The following CNTLN variants were observed in gnomAD, a reference collection of about 807,000 sequenced individuals.
CNTLN encodes centlein.
A neutral mutation model predicts 180.0 loss-of-function variants in CNTLN; 212 were observed. The observed-to-expected ratio is 1.18, with a 90% confidence interval of 1.05 to 1.32. The LOEUF (loss-of-function observed/expected upper bound fraction) is 1.32, where lower values mean the gene tolerates loss of function less well. CNTLN is among the 40% of genes most tolerant of loss of function. CNTLN has a pLI of 0.00. For missense variants in CNTLN, 2,095 were observed against 1,610.9 expected, an observed-to-expected ratio of 1.30 and a Z score of -5.14; for synonymous variants, 722 against 563.1, an observed-to-expected ratio of 1.28 and a Z score of -3.99.
At chr9:17,356,553 T>G (rs891915398) in intron 12 of CNTLN, among the ~76,000 whole-genome samples, 14 of 152,150 alleles carry the variant, frequency 9.2e-5, no homozygotes, top group Non-Finnish European at 1.6e-4. Context: ...AGGTAAACCG[T>G]TATAGCTAAG....
chr9:17,161,141 A>G (rs1344265893), intron 2 of CNTLN, among the ~76,000 whole-genome samples: 3 of 152,116 alleles, frequency 2.0e-5, no homozygotes, highest in Non-Finnish European at 4.4e-5. Flanking sequence ...TATGTTGTTG[A>G]AAGTCAAATT....
intron 2 of CNTLN, among the ~76,000 whole-genome samples, chr9:17,146,809 A>T (rs1376353958): frequency 3.3e-5 from 5 of 151,900 alleles, no homozygotes; most frequent in Admixed American, 6.6e-5. Context: ...TTATTTTTTA[A>T]TTTTTTCCTT....
intron 23 of CNTLN, among the ~76,000 whole-genome samples, chr9:17,467,953 C>T (rs971702192): frequency 4.0e-5 from 6 of 151,572 alleles, no homozygotes; most frequent in South Asian, 2.1e-4. Flanking sequence ...ATGTTCATTG[C>T]GGCACTGTTA....
chr9:17,330,595 C>T (rs568293470), intron 8 of CNTLN, 37 bp from the exon 9 acceptor site: 1 of 1,118,468 alleles, frequency 8.9e-7, no homozygotes, highest in South Asian at 1.7e-5. Context: ...AAGATACAAA[C>T]ATAGATATCT....
At chr9:17,473,780 G>A (rs948001316) in intron 23 of CNTLN, among the ~76,000 whole-genome samples, 22 of 151,828 alleles carry the variant, frequency 1.4e-4, no homozygotes, top group African/African-American at 4.1e-4. Context: ...TTATTACCCC[G>A]CCAAAGTAGT....
At chr9:17,505,658 A>G (rs920053019), downstream of CNTLN, among the ~76,000 whole-genome samples, 3 of 152,160 alleles carry the variant, frequency 2.0e-5, no homozygotes, top group Non-Finnish European at 2.9e-5. Flanking sequence ...TAGGAGACAT[A>G]GTAAGACCAT....
chr9:17,272,025 CCCTT>C (rs1248902785), intron 5 of CNTLN, among the ~76,000 whole-genome samples: 17 of 144,238 alleles, frequency 1.2e-4, no homozygotes, highest in Admixed American at 2.1e-4. Flanking sequence ...CTCCCTCCCT[CCCTT>C]CCTTCCTTTT....
intron 8 of CNTLN, among the ~76,000 whole-genome samples, chr9:17,329,824 T>C (rs561186126): frequency 4.6e-5 from 7 of 151,682 alleles, no homozygotes; most frequent in South Asian, 2.1e-4. Context: ...TAGATCCTTA[T>C]TGATAATGTT....
chr9:17,501,478 A>G (rs1247729781), intron 25 of CNTLN, among the ~76,000 whole-genome samples: 1 of 152,186 alleles, frequency 6.6e-6, no homozygotes, highest in Admixed American at 6.5e-5. Flanking sequence ...AAATTTAGCA[A>G]AGAGCCATTC....
At chr9:17,200,008 T>A (rs1365914495) in intron 2 of CNTLN, among the ~76,000 whole-genome samples, 2 of 152,170 alleles carry the variant, frequency 1.3e-5, no homozygotes, top group Non-Finnish European at 2.9e-5. Context: ...CTGAGTTAAT[T>A]TTTATATAAA....
chr9:17,288,761 A>G lies in CNTLN; in HGVS notation c.984-9429A>G, dbSNP rs1354112498. ...GAATTGATCCCTTTACCATTATGTA[A>G]TGGCCTTCTTTGTCTCTTTTGATCT... On this transcript the variant is annotated intron_variant, in intron 6 of 25. Coordinates refer to ENST00000380647, the MANE Select transcript of CNTLN (RefSeq NM_017738.4). 1.4e-3 allele frequency among the ~76,000 whole-genome samples: 189 copies of G among 137,242 alleles called. 42 individuals carry two copies. Among genetic ancestry groups the G allele is most frequent in the African/African-American group, 5.3e-3 (176 of 32,902 alleles). 90.0% of individuals were successfully genotyped at this position (137,242 alleles called of 152,430 possible).
At chr9:17,150,411 T>C (rs1164665774) in intron 2 of CNTLN, among the ~76,000 whole-genome samples, 1 of 152,192 alleles carries the variant, frequency 6.6e-6, no homozygotes, top group African/African-American at 2.4e-5. Flanking sequence ...ATAGGGAATC[T>C]TTTCCCCATT....
At chr9:17,296,406 A>G (rs564775386) in intron 6 of CNTLN, among the ~76,000 whole-genome samples, 109 of 152,276 alleles carry the variant, frequency 7.2e-4, no homozygotes, top group African/African-American at 2.5e-3. Context: ...CCTTCTCATT[A>G]AGAAATACCA....
At chr9:17,458,659 A>C (rs1266390588) in intron 19 of CNTLN, among the ~76,000 whole-genome samples, 5 of 152,062 alleles carry the variant, frequency 3.3e-5, no homozygotes, top group Non-Finnish European at 4.4e-5. Flanking sequence ...CATAGGATAA[A>C]TAGGCTAAAA....
intron 5 of CNTLN, among the ~76,000 whole-genome samples, chr9:17,257,187 T>G (rs1406113471): frequency 6.6e-6 from 1 of 151,658 alleles, no homozygotes; most frequent in East Asian, 2.0e-4. Flanking sequence ...CCATGTGATC[T>G]CATTGTTCAA....
intron 11 of CNTLN, 97 bp from the exon 12 acceptor site, chr9:17,342,228 G>A: frequency 8.5e-7 from 1 of 1,181,446 alleles, no homozygotes; most frequent in Non-Finnish European, 1.2e-6. Context: ...TTAGAAATTT[G>A]GTCAATAGAT....
intron 23 of CNTLN, among the ~76,000 whole-genome samples, chr9:17,476,662 C>A (rs1832365782): frequency 6.6e-6 from 1 of 152,164 alleles, no homozygotes; most frequent in South Asian, 2.1e-4. Flanking sequence ...TAAGCCAAAG[C>A]TTAATCCAGA....
intron 8 of CNTLN, among the ~76,000 whole-genome samples, chr9:17,311,348 G>A (rs12346397): frequency 0.84 from 127,809 of 151,746 alleles, 54,009 homozygotes; most frequent in Non-Finnish European, 0.87. Context: ...AATTTAGGCG[G>A]ATTAATCATT....
chr9:17,510,206 G>T, the CNTLN span, among the ~76,000 whole-genome samples: 1 of 152,156 alleles, frequency 6.6e-6, no homozygotes, highest in African/African-American at 2.4e-5. Flanking sequence ...ACCAGCTGAG[G>T]TGTTTGGTGA....
Sources: gnomAD v4.1 joint callset for allele counts (sites outside exome capture counted in the v4.1 genomes callset) on GRCh38, gnomAD v4.1.1 for gene constraint, MANE v1.5 for transcripts, NCBI Gene and HGNC (gene_info 2026-07-23, HGNC 2026-07-21) for gene names.